The following DYRK3 variants were observed in gnomAD, a reference collection of about 807,000 sequenced individuals.
DYRK3 encodes the protein dual specificity tyrosine phosphorylation regulated kinase 3, also known as dual specificity tyrosine-phosphorylation-regulated kinase 3.
Under a neutral mutation model 40.8 loss-of-function variants are expected in DYRK3, and 30 were observed. That is an observed-to-expected ratio of 0.74 (90% CI 0.55 to 1.00). The LOEUF is 1.00. Ranked by LOEUF, DYRK3 falls within the 50% of genes least tolerant of loss-of-function variation. The pLI, the probability that DYRK3 is intolerant of heterozygous loss-of-function variation, is 0.00. For missense variants in DYRK3, 699 were observed against 731.5 expected, an observed-to-expected ratio of 0.96 and a Z score of 0.51; for synonymous variants, 272 against 260.7, an observed-to-expected ratio of 1.04 and a Z score of -0.42.
At chr1:206,645,099 T>C (rs1671411415) in intron 2 of DYRK3, among the ~76,000 whole-genome samples, 1 of 152,242 alleles carries the variant, frequency 6.6e-6, no homozygotes, top group East Asian at 1.9e-4. Context: ...CTTTTATAAC[T>C]GAATTACGGG....
In DYRK3 at chr1:206,647,732, A is replaced by T. The variant is rs1553420373; in HGVS notation, c.534A>T (p.Arg178Ser). ...IYFVGPNAKK[R>S]HGVIGGPNNG... ...TTGTAGGTCCAAATGCCAAGAAAAG[A>T]CATGGAGTTATTGGTGGTCCCAATA... The change falls in exon 3 of 3, where the codon AGA (arginine) becomes AGT (serine). Residue 178 changes from arginine (R) to serine (S), a missense_variant. Coordinates refer to ENST00000367109, the MANE Select transcript of DYRK3 (RefSeq NM_003582.4). 6.2e-7 allele frequency: 1 copy of T among 1,614,058 alleles called. No homozygotes were observed. The highest frequency in any genetic ancestry group is 2.2e-5 in the East Asian group (1 of 44,894).
chr1:206,645,406 A>T (rs1379469819), intron 2 of DYRK3, among the ~76,000 whole-genome samples: 1 of 152,030 alleles, frequency 6.6e-6, no homozygotes, highest in African/African-American at 2.4e-5. Context: ...TGTTCTTTTA[A>T]GTATCCTAGA....
rs1671551813 is a variant in DYRK3, at chr1:206,648,928, T to A, written c.1730T>A (p.Ile577Lys). 1 of 1,613,944 alleles carries A rather than the reference T, an allele frequency of 6.2e-7. No individual in the cohort carries two copies. Among genetic ancestry groups the A allele is most frequent in the Non-Finnish European group, 8.5e-7 (1 of 1,180,016 alleles). The change falls in exon 3 of 3, where the codon ATA becomes AAA. Residue 577 changes from isoleucine to lysine, a missense_variant. Transcript: ENST00000367109. ...ANLMSETNGS[I>K]PLCSVLPKLI... ...TTAATGTCAGAAACCAATGGTAGTA[T>A]ACCCCTATGCAGTGTATTGCCAAAA...
Position 206,635,796 on chromosome 1 carries a change from G to A in DYRK3, c.77+16G>A, listed in dbSNP as rs1363247366. The A allele has an allele frequency of 1.2e-5, 15 of 1,243,544 alleles. No individual in the cohort carries two copies. Among genetic ancestry groups the A allele is most frequent in the Non-Finnish European group, 1.5e-5 (15 of 990,680 alleles). The allele number at this position is 1,243,544 out of a possible 1,614,324, so 77.0% of individuals were successfully genotyped here. On this transcript the variant is annotated intron_variant, in intron 1 of 2. Coordinates refer to ENST00000367109, the MANE Select transcript of DYRK3 (RefSeq NM_003582.4). ...AGCAGCGGAGGTAACGGCGCCACGG[G>A]GTAACGGGCTGGAGGCGCCACAGGG...
rs1219797900 is a variant in DYRK3 at position 206,650,223 on chromosome 1, C to G, written c.*1258C>G. The stretch of plus-strand genomic sequence containing the variant: ...TGTTTGTTGTTTCCTGTCCCTTGCT[C>G]TATTTCTGTCCTCTTCCAGAACAAA... On this transcript the variant is annotated 3_prime_UTR_variant, in exon 3 of 3. Transcript: ENST00000367109. Among the ~76,000 whole-genome samples the G allele has an allele frequency of 6.6e-6, 1 of 152,226 alleles. No individual in the cohort carries two copies. The highest frequency in any genetic ancestry group is 2.1e-4 in the South Asian group (1 of 4,832).
rs535567488 is a variant in DYRK3, at chr1:206,654,925, A to G, written c.*5960A>G. Among the ~76,000 whole-genome samples, 1 of 152,326 alleles carries G rather than the reference A, an allele frequency of 6.6e-6. No homozygotes were observed. Among genetic ancestry groups the G allele is most frequent in the African/African-American group, 2.4e-5 (1 of 41,574 alleles). On this transcript the variant is annotated 3_prime_UTR_variant, in exon 3 of 3. Coordinates refer to ENST00000367109, the MANE Select transcript of DYRK3 (RefSeq NM_003582.4). ...TCTTCTGCCACCACATGAATAGACTAAAAAGAAAGGAGAGTCCCACATCAG... is the reference window on the plus strand; with the variant it reads ...TCTTCTGCCACCACATGAATAGACTGAAAAGAAAGGAGAGTCCCACATCAG...
At position 206,635,556 on chromosome 1, in the gene DYRK3, C is replaced by T. The variant is rs201102051; in HGVS notation, c.-148C>T. The T allele has an allele frequency of 1.1e-3, 1,124 of 1,049,122 alleles. 4 individuals carry two copies. Among genetic ancestry groups the T allele is most frequent in the Non-Finnish European group, 9.5e-4 (785 of 822,074 alleles). 65.0% of individuals were successfully genotyped at this position (1,049,122 alleles called of 1,614,324 possible). On this transcript the variant is annotated 5_prime_UTR_variant, in exon 1 of 3. Coordinates refer to ENST00000367109, the MANE Select transcript of DYRK3 (RefSeq NM_003582.4). Reference sequence around the variant, plus strand: ...TCCCCACTTCCCAGCCGGGGCCAGTCGGGAGCGAAAGTGCGCTGAGCTGCA... The same window carrying T: ...TCCCCACTTCCCAGCCGGGGCCAGTTGGGAGCGAAAGTGCGCTGAGCTGCA...
At chr1:206,639,560 C>G (rs1027911667) in intron 2 of DYRK3, among the ~76,000 whole-genome samples, 21 of 145,992 alleles carry the variant, frequency 1.4e-4, no homozygotes, top group Non-Finnish European at 3.0e-4. Context: ...CTCCCGGGTT[C>G]AAGTGATTCT....
rs1322904377 is a variant in DYRK3, at chr1:206,650,489, C to G, written c.*1524C>G. On this transcript the variant is annotated 3_prime_UTR_variant, in exon 3 of 3. Coordinates refer to ENST00000367109, the MANE Select transcript of DYRK3 (RefSeq NM_003582.4). Reference sequence around the variant, plus strand: ...GGCTGAGGTGGGAGGATCACTTGAGCTGAGATCATGCCACTGCACTCCAGC... The same window carrying G: ...GGCTGAGGTGGGAGGATCACTTGAGGTGAGATCATGCCACTGCACTCCAGC... 1.3e-5 allele frequency among the ~76,000 whole-genome samples: 2 copies of G among 152,212 alleles called. No individual in the cohort carries two copies. Among genetic ancestry groups the G allele is most frequent in the African/African-American group, 4.8e-5 (2 of 41,466 alleles).
chr1:206,648,061 T>C lies in DYRK3; in HGVS notation c.863T>C (p.Phe288Ser), dbSNP rs1553420535. Residue 288 changes from phenylalanine to serine, a missense_variant, in exon 3 of 3, where the codon TTT becomes TCT. By Grantham distance (155) the Phe-to-Ser change is radical (BLOSUM62 -2). Coordinates refer to ENST00000367109, the MANE Select transcript of DYRK3 (RefSeq NM_003582.4). ...FTFRNHVCMA[F>S]ELLSIDLYEL... ...TTCCGGAACCATGTTTGCATGGCCT[T>C]TGAATTGCTGAGCATAGACCTTTAT... is the stretch of plus-strand genomic sequence containing the variant. 1 of 1,614,174 alleles carries C rather than the reference T, an allele frequency of 6.2e-7. No individual in the cohort carries two copies. The highest frequency in any genetic ancestry group is 8.5e-7 in the Non-Finnish European group (1 of 1,180,028).
intron 1 of DYRK3, among the ~76,000 whole-genome samples, chr1:206,636,611 T>C (rs1671120018): frequency 6.6e-6 from 1 of 151,722 alleles, no homozygotes; most frequent in African/African-American, 2.4e-5. Context: ...TTATAACACA[T>C]CTATAAAGAA....
intron 2 of DYRK3, 89 bp from the exon 3 acceptor site, chr1:206,647,299 C>G (rs1671482035): frequency 1.5e-6 from 2 of 1,296,432 alleles, no homozygotes; most frequent in South Asian, 3.1e-5. Context: ...CATGACTGGA[C>G]ATGTTTTGTT....
At position 206,648,174 on chromosome 1, in the gene DYRK3, C is replaced by T. The variant is rs1553420580; in HGVS notation, c.976C>T (p.Leu326Phe). ...AQSILQSLDALHKNKIIHCDL... is the reference protein window; with the variant it reads ...AQSILQSLDAFHKNKIIHCDL... ...GTCCATCTTGCAATCTTTGGATGCC[C>T]TCCACAAAAATAAGATTATTCACTG... The change falls in exon 3 of 3, where the codon CTC becomes TTC. Residue 326 changes from leucine (L) to phenylalanine (F), a missense_variant. Physicochemically the swap from Leu to Phe is conservative, Grantham distance 22 (BLOSUM62 0). Coordinates refer to ENST00000367109, the MANE Select transcript of DYRK3 (RefSeq NM_003582.4). 1 of 1,614,092 alleles carries T rather than the reference C, an allele frequency of 6.2e-7. No homozygotes were observed. Among genetic ancestry groups the T allele is most frequent in the South Asian group, 1.1e-5 (1 of 91,078 alleles).
chr1:206,651,274 T>C lies in DYRK3; in HGVS notation c.*2309T>C, dbSNP rs1553421275. Among the ~76,000 whole-genome samples, 1 of 152,224 alleles carries C rather than the reference T, an allele frequency of 6.6e-6. No individual in the cohort carries two copies. Among genetic ancestry groups the C allele is most frequent in the Non-Finnish European group, 1.5e-5 (1 of 68,034 alleles). ...TCTGCTAGTCGAGATAGTGACTCTTTGGAAGTTGGTAGTCCAATGTCTGCT... is the reference window on the plus strand; with the variant it reads ...TCTGCTAGTCGAGATAGTGACTCTTCGGAAGTTGGTAGTCCAATGTCTGCT... On this transcript the variant is annotated 3_prime_UTR_variant, in exon 3 of 3. Coordinates refer to ENST00000367109, the MANE Select transcript of DYRK3 (RefSeq NM_003582.4).
Position 206,647,969 on chromosome 1 carries a change from G to A in DYRK3, c.771G>A (p.Leu257=). 1 of 1,614,034 alleles carries A rather than the reference G, an allele frequency of 6.2e-7. No homozygotes were observed. Among genetic ancestry groups the A allele is most frequent in the Non-Finnish European group, 8.5e-7 (1 of 1,180,014 alleles). The change falls in exon 3 of 3, where the codon TTG becomes TTA. Residue 257 remains leucine, a synonymous_variant. Coordinates refer to ENST00000367109, the MANE Select transcript of DYRK3 (RefSeq NM_003582.4). ...HRQAAEEIRI[L]EHLKKQDKTG... is the part of the protein sequence containing the mutation. ...AAGCAGCTGAGGAGATCCGGATTTT[G>A]GAGCATCTTAAGAAACAGGATAAAA...
rs1671652500 is a variant in DYRK3 at position 206,652,308 on chromosome 1, A to G, written c.*3343A>G. On this transcript the variant is annotated 3_prime_UTR_variant, in exon 3 of 3. Coordinates refer to ENST00000367109, the MANE Select transcript of DYRK3 (RefSeq NM_003582.4). ...ACTGTTAAAAGCATTACTACCCCATATGCATCTGATGTACACTGTGTTTTG... is the reference window on the plus strand; with the variant it reads ...ACTGTTAAAAGCATTACTACCCCATGTGCATCTGATGTACACTGTGTTTTG... 6.6e-6 allele frequency among the ~76,000 whole-genome samples: 1 copy of G among 152,160 alleles called. No homozygotes were observed. Among genetic ancestry groups the G allele is most frequent in the African/African-American group, 2.4e-5 (1 of 41,422 alleles).
chr1:206,650,553 A>C lies in DYRK3; in HGVS notation c.*1588A>C, dbSNP rs1671604674. ...TGAGACTCTGTCTAAAAAACAAACC[A>C]AAAAAAGTGTGTTCTTTAAAGTAGA... On this transcript the variant is annotated 3_prime_UTR_variant, in exon 3 of 3. Coordinates refer to ENST00000367109, the MANE Select transcript of DYRK3 (RefSeq NM_003582.4). Among the ~76,000 whole-genome samples the C allele has an allele frequency of 6.6e-6, 1 of 152,210 alleles. No homozygotes were observed. The highest frequency in any genetic ancestry group is 2.4e-5 in the African/African-American group (1 of 41,456).
In DYRK3 at chr1:206,655,015, G is replaced by T. The variant is rs1671718081; in HGVS notation, c.*6050G>T. Among the ~76,000 whole-genome samples, 1 of 152,224 alleles carries T rather than the reference G, an allele frequency of 6.6e-6. No homozygotes were observed. The highest frequency in any genetic ancestry group is 2.4e-5 in the African/African-American group (1 of 41,450). ...AGCCTCTGAAGCATCAGGTTTGAAT[G>T]ACTTTGGTGTCATGGGATTCTGTCC... On this transcript the variant is annotated 3_prime_UTR_variant, in exon 3 of 3. Coordinates refer to ENST00000367109, the MANE Select transcript of DYRK3 (RefSeq NM_003582.4).
Position 206,648,925 on chromosome 1 carries a change from G to A in DYRK3, c.1727G>A (p.Ser576Asn), listed in dbSNP as rs1258461506. The A allele has an allele frequency of 6.2e-7, 1 of 1,614,046 alleles. No individual in the cohort carries two copies. Among genetic ancestry groups the A allele is most frequent in the South Asian group, 1.1e-5 (1 of 91,076 alleles). ...AACTTAATGTCAGAAACCAATGGTA[G>A]TATACCCCTATGCAGTGTATTGCCA... ...KANLMSETNG[S>N]IPLCSVLPKL... The change falls in exon 3 of 3, where the codon AGT (serine) becomes AAT (asparagine). Residue 576 changes from serine (S) to asparagine (N), a missense_variant. Transcript: ENST00000367109.
Sources: gnomAD v4.1 joint callset for allele counts (sites outside exome capture counted in the v4.1 genomes callset) on GRCh38, gnomAD v4.1.1 for gene constraint, MANE v1.5 for transcripts, NCBI Gene and HGNC (gene_info 2026-07-23, HGNC 2026-07-21) for gene names.